Variants in PNOC observed in about 807,000 individuals in gnomAD.
PNOC encodes prepronociceptin.
In PNOC, 10 loss-of-function variants were observed where a neutral mutation model predicts 15.6. The ratio of observed to expected loss-of-function variants is 0.64; its 90% confidence interval spans 0.40 to 1.09. The LOEUF (loss-of-function observed/expected upper bound fraction) is 1.09, where lower values mean the gene tolerates loss of function less well. PNOC is among the 50% of genes least tolerant of loss of function. PNOC has a pLI of 0.01. For synonymous variants in PNOC, 98 were observed against 88.5 expected, an observed-to-expected ratio of 1.11 and a Z score of -0.60; for missense variants, 220 against 223.9, an observed-to-expected ratio of 0.98 and a Z score of 0.11.
At chr8:28,326,835 G>T (rs997318845) in intron 1 of PNOC, among the ~76,000 whole-genome samples, 3 of 152,134 alleles carry the variant, frequency 2.0e-5, no homozygotes, top group African/African-American at 7.2e-5. Context: ...ACTGCAGCCT[G>T]GGTGACAGAG....
rs537112845 is a variant in PNOC, at chr8:28,329,320, T to A, written c.126+37T>A. 7 of 1,607,514 alleles carry A rather than the reference T, an allele frequency of 4.4e-6. No individual in the cohort carries two copies. In the African/African-American group the frequency reaches 8.0e-5, roughly 18 times the overall value. On this transcript the variant is annotated intron_variant, in intron 2 of 3. Coordinates refer to ENST00000301908, the MANE Select transcript of PNOC (RefSeq NM_006228.5). ...AGGCAAGGCAGAGAGGCTGTCCTCCTCCCTGACTACCTCCTCCCTCCCTAC... is the reference window on the plus strand; with the variant it reads ...AGGCAAGGCAGAGAGGCTGTCCTCCACCCTGACTACCTCCTCCCTCCCTAC...
intron 2 of PNOC, among the ~76,000 whole-genome samples, chr8:28,335,886 C>T (rs986963866): frequency 1.3e-4 from 20 of 151,696 alleles, no homozygotes; most frequent in African/African-American, 4.6e-4. Context: ...GGTGTGGGAC[C>T]CTTTAGACCA....
chr8:28,333,089 C>T (rs990316386), intron 2 of PNOC, among the ~76,000 whole-genome samples: 1 of 152,212 alleles, frequency 6.6e-6, no homozygotes, highest in Admixed American at 6.5e-5. Context: ...CTATGCTCAT[C>T]TGCTGTATTT....
intron 1 of PNOC, among the ~76,000 whole-genome samples, chr8:28,327,481 G>A (rs192393615): frequency 6.6e-6 from 1 of 152,272 alleles, no homozygotes; most frequent in African/African-American, 2.4e-5. Flanking sequence ...ATGGCCCTTT[G>A]CTCGGGAAGC....
At chr8:28,324,875 A>G (rs1801200268) in intron 1 of PNOC, among the ~76,000 whole-genome samples, 1 of 152,124 alleles carries the variant, frequency 6.6e-6, no homozygotes, top group Non-Finnish European at 1.5e-5. Context: ...AAAACAAAAA[A>G]GAGTGTTAGA....
chr8:28,337,871 G>A (rs1019009758), intron 2 of PNOC, among the ~76,000 whole-genome samples: 9 of 151,982 alleles, frequency 5.9e-5, no homozygotes, highest in Admixed American at 2.6e-4. Flanking sequence ...GATTACAGGC[G>A]TGCGCCACCG....
chr8:28,336,468 C>T (rs1454346315), intron 2 of PNOC, among the ~76,000 whole-genome samples: 1 of 152,110 alleles, frequency 6.6e-6, no homozygotes, highest in South Asian at 2.1e-4. Context: ...GAGGTCATTG[C>T]ATCCAAGGGA....
intron 3 of PNOC, among the ~76,000 whole-genome samples, chr8:28,340,448 T>C (rs1286044943): frequency 2.0e-5 from 3 of 152,174 alleles, no homozygotes; most frequent in African/African-American, 7.2e-5. Flanking sequence ...TCACTTTGAG[T>C]GGCATTGGCA....
intron 3 of PNOC, chr8:28,339,954 CCT>C (rs1801487826): frequency 6.6e-6 from 1 of 152,474 alleles, no homozygotes. Context: ...TTACCTATCC[CCT>C]CTCCTTTCCC....
intron 3 of PNOC, chr8:28,339,754 T>G (rs1183380905): frequency 4.1e-6 from 1 of 242,988 alleles, no homozygotes; most frequent in Non-Finnish European, 7.9e-6. Context: ...CCTCTATCAC[T>G]CCCCAGGAGC....
At chr8:28,338,834 A>T in intron 2 of PNOC, 1 of 1,104,710 alleles carries the variant, frequency 9.1e-7, no homozygotes, top group Non-Finnish European at 1.2e-6. Context: ...TTGTAAAATG[A>T]TGGAGCTGGG....
chr8:28,325,915 G>T (rs1237474707), intron 1 of PNOC, among the ~76,000 whole-genome samples: 1 of 152,142 alleles, frequency 6.6e-6, no homozygotes, highest in Non-Finnish European at 1.5e-5. Flanking sequence ...TAATTAGGAG[G>T]CTATTACAAT....
At chr8:28,328,952 T>C (rs1028297215) in intron 1 of PNOC, among the ~76,000 whole-genome samples, 183 bp from the exon 2 acceptor site, 1 of 152,116 alleles carries the variant, frequency 6.6e-6, no homozygotes, top group East Asian at 1.9e-4. Context: ...GCCTAGGTGA[T>C]AGGCAGGGTC....
At chr8:28,323,796 T>C (rs1801182877) in intron 1 of PNOC, among the ~76,000 whole-genome samples, 2 of 152,200 alleles carry the variant, frequency 1.3e-5, no homozygotes, top group East Asian at 3.8e-4. Flanking sequence ...AACACAGTTG[T>C]AGTAGGTGTT....
intron 2 of PNOC, among the ~76,000 whole-genome samples, chr8:28,331,881 GCACAGAGCATAGCTCAATAAA>G (rs1801335518): frequency 6.6e-6 from 1 of 152,156 alleles, no homozygotes; most frequent in African/African-American, 2.4e-5. Flanking sequence ...ACAGTGTGTG[GCACAGAGCATAGCTCAATAAA>G]CACATCCCAT....
At chr8:28,330,420 A>G (rs1585833706) in intron 2 of PNOC, among the ~76,000 whole-genome samples, 2 of 28,784 alleles carry the variant, frequency 6.9e-5, no homozygotes, top group Non-Finnish European at 1.7e-4. Context: ...TTTGAGACGG[A>G]GTCTTGCTCT....
intron 1 of PNOC, among the ~76,000 whole-genome samples, chr8:28,325,482 G>A (rs561301264): frequency 3.3e-5 from 5 of 151,818 alleles, no homozygotes; most frequent in East Asian, 1.9e-4. Context: ...GTGAAGCCCC[G>A]TCTCTACTAA....
chr8:28,334,669 A>G (rs546775301), intron 2 of PNOC, among the ~76,000 whole-genome samples: 1 of 152,070 alleles, frequency 6.6e-6, no homozygotes, highest in Admixed American at 6.6e-5. Context: ...TAACATTTTT[A>G]TTTTTGTAGA....
At chr8:28,326,931 C>T (rs1329460793) in intron 1 of PNOC, among the ~76,000 whole-genome samples, 1 of 152,188 alleles carries the variant, frequency 6.6e-6, no homozygotes, top group Non-Finnish European at 1.5e-5. Context: ...CAAGAGTCTG[C>T]ATTTCTAACA....
Sources: gnomAD v4.1 joint callset for allele counts (sites outside exome capture counted in the v4.1 genomes callset) on GRCh38, gnomAD v4.1.1 for gene constraint, MANE v1.5 for transcripts, NCBI Gene and HGNC (gene_info 2026-07-23, HGNC 2026-07-21) for gene names.